Variants in CBL observed in about 807,000 individuals in gnomAD.
The protein encoded by CBL is Cbl proto-oncogene.
A neutral mutation model predicts 96.9 loss-of-function variants in CBL; 45 were observed. That is an observed-to-expected ratio of 0.46 (90% CI 0.37 to 0.60). The LOEUF is 0.60. CBL is among the 20% of genes least tolerant of loss of function. CBL has a pLI of 0.00. For missense variants in CBL, 1,024 were observed against 1,143.5 expected (o/e 0.90, Z 1.51); for synonymous variants, 420 against 426.8 (o/e 0.98, Z 0.20).
intron 5 of CBL, 62 bp downstream of exon 5, chr11:119,275,015 AG>A: frequency 6.3e-7 from 1 of 1,579,172 alleles, no homozygotes; most frequent in Non-Finnish European, 8.7e-7. Flanking sequence ...GACTTCTGCT[AG>A]TATAGAAGAA....
At chr11:119,238,408 C>T (rs1483908864) in intron 2 of CBL, among the ~76,000 whole-genome samples, 1 of 151,910 alleles carries the variant, frequency 6.6e-6, no homozygotes, top group Non-Finnish European at 1.5e-5. Flanking sequence ...TGGGGCTTTA[C>T]CATGTTGGCC....
At chr11:119,276,195 T>G (rs1328780076) in intron 6 of CBL, 61 bp downstream of exon 6, 2 of 1,508,914 alleles carry the variant, frequency 1.3e-6, no homozygotes, top group East Asian at 2.3e-5. Context: ...TCCAACCTCA[T>G]CATTAATGAC....
At chr11:119,246,395 A>T (rs1395436826) in intron 2 of CBL, among the ~76,000 whole-genome samples, 1 of 152,156 alleles carries the variant, frequency 6.6e-6, no homozygotes, top group Non-Finnish European at 1.5e-5. Context: ...CTACCCACAA[A>T]TATGTAGTTG....
intron 12 of CBL, among the ~76,000 whole-genome samples, chr11:119,288,351 A>G (rs73566776): frequency 0.015 from 2,330 of 152,142 alleles, 56 homozygotes; most frequent in African/African-American, 0.053. Context: ...GCAGAAATTT[A>G]TTTTCCCTGA....
In CBL at chr11:119,206,664, C is replaced by T. The variant is rs1261886903; in HGVS notation, c.195+52C>T. On this transcript the variant is annotated intron_variant, in intron 1 of 15. Coordinates refer to ENST00000264033, the MANE Select transcript of CBL (RefSeq NM_005188.4). ...TTGCAGGGTGGGCGTGGGCGGAGGG[C>T]CGCGGGGAGGGGAACGAGCGGACGG... 5.3e-6 allele frequency: 8 copies of T among 1,513,714 alleles called. 1 individual carries two copies. In the East Asian group the frequency reaches 1.0e-4, roughly 19 times the overall value. The allele number at this position is 1,513,714 out of a possible 1,614,324, so 93.8% of individuals were successfully genotyped here.
At chr11:119,295,673 G>T (rs1950058394) in intron 12 of CBL, among the ~76,000 whole-genome samples, 1 of 152,152 alleles carries the variant, frequency 6.6e-6, no homozygotes, top group African/African-American at 2.4e-5. Flanking sequence ...GCTGCAGTGG[G>T]TTGTCATCAT....
chr11:119,249,907 C>G (rs913695775), intron 2 of CBL, among the ~76,000 whole-genome samples: 1 of 152,112 alleles, frequency 6.6e-6, no homozygotes, highest in Non-Finnish European at 1.5e-5. Context: ...TCCTACCTTA[C>G]TCAGCTTCCT....
intron 12 of CBL, among the ~76,000 whole-genome samples, chr11:119,290,125 A>G (rs1188156510): frequency 6.6e-6 from 1 of 151,958 alleles, no homozygotes; most frequent in African/African-American, 2.4e-5. Flanking sequence ...GGCTCACTGC[A>G]GCCTAAACTT....
intron 1 of CBL, among the ~76,000 whole-genome samples, chr11:119,226,491 A>AT (rs527798621): frequency 5.8e-4 from 86 of 148,396 alleles, no homozygotes; most frequent in African/African-American, 9.4e-4. Flanking sequence ...GAAACAGGAC[A>AT]TTTTTTTTTT....
At chr11:119,218,455 C>T (rs967001029) in intron 1 of CBL, among the ~76,000 whole-genome samples, 7 of 152,264 alleles carry the variant, frequency 4.6e-5, no homozygotes, top group Non-Finnish European at 7.4e-5. Context: ...TCCATAGTTT[C>T]GCTTCCTGCT....
chr11:119,281,768 A>G (rs1463034165), intron 9 of CBL, among the ~76,000 whole-genome samples: 1 of 151,830 alleles, frequency 6.6e-6, no homozygotes, highest in Non-Finnish European at 1.5e-5. Flanking sequence ...CAGTGCTGGG[A>G]TTACAGGTGT....
rs1397686173 is a variant in CBL, at chr11:119,285,316, C to T, written c.1691C>T (p.Pro564Leu). Residue 564 changes from proline (P) to leucine (L), a missense_variant, in exon 11 of 16, where the codon CCC becomes CTC. Pro to Leu is a moderately conservative substitution (Grantham distance 98). Transcript: ENST00000264033. ...GCAGAATCCCGACCTCAAAGACGCC[C>T]CTTGCCTTGTACACCAGGCGACTGT... is the stretch of plus-strand genomic sequence containing the variant. ...VGAESRPQRR[P>L]LPCTPGDCPS... 1.9e-6 allele frequency: 3 copies of T among 1,614,184 alleles called. No individual in the cohort carries two copies. Among genetic ancestry groups the T allele is most frequent in the Non-Finnish European group, 2.5e-6 (3 of 1,180,044 alleles).
chr11:119,242,455 T>C (rs536246700), intron 2 of CBL, among the ~76,000 whole-genome samples: 2 of 149,702 alleles, frequency 1.3e-5, no homozygotes, highest in East Asian at 2.0e-4. Context: ...GGAGAATTAC[T>C]TGAACCCAGG....
At chr11:119,243,557 C>A in intron 2 of CBL, among the ~76,000 whole-genome samples, 1 of 138,718 alleles carries the variant, frequency 7.2e-6, no homozygotes, top group Admixed American at 7.5e-5. Context: ...AACGATATGA[C>A]AATATGTTAA....
At chr11:119,239,367 A>T (rs961730810) in intron 2 of CBL, among the ~76,000 whole-genome samples, 2 of 151,990 alleles carry the variant, frequency 1.3e-5, no homozygotes, top group Non-Finnish European at 2.9e-5. Flanking sequence ...TATTTTGTTC[A>T]TTTTGATGCT....
chr11:119,276,773 T>C (rs1054037683), intron 6 of CBL, among the ~76,000 whole-genome samples: 16 of 152,236 alleles, frequency 1.1e-4, no homozygotes, highest in African/African-American at 3.9e-4. Flanking sequence ...TACAATAGCA[T>C]TGGGACTGAA....
intron 1 of CBL, among the ~76,000 whole-genome samples, chr11:119,232,179 T>C (rs1178214815): frequency 6.6e-6 from 1 of 152,252 alleles, no homozygotes; most frequent in South Asian, 2.1e-4. Flanking sequence ...TAGGGATTTA[T>C]GTGGATGTTT....
chr11:119,243,409 C>T (rs2135273913), intron 2 of CBL, among the ~76,000 whole-genome samples: 1 of 151,982 alleles, frequency 6.6e-6, no homozygotes, highest in South Asian at 2.1e-4. Flanking sequence ...GCTTCACCCT[C>T]CCAAAGTGCT....
chr11:119,266,018 C>CAAAAAAAAAAAAA (rs398017759), intron 2 of CBL, among the ~76,000 whole-genome samples: 35 of 75,898 alleles, frequency 4.6e-4, no homozygotes, highest in South Asian at 7.0e-4. Context: ...GACTCCATCT[C>CAAAAAAAAAAAAA]AAAAAAAAAA....
Sources: gnomAD v4.1 joint callset for allele counts (sites outside exome capture counted in the v4.1 genomes callset) on GRCh38, gnomAD v4.1.1 for gene constraint, MANE v1.5 for transcripts, NCBI Gene and HGNC (gene_info 2026-07-23, HGNC 2026-07-21) for gene names.